Variants in MYH16 observed in about 807,000 individuals in gnomAD.
MYH16 encodes putative uncharacterized protein MYH16.
At chr7:99,269,539 G>A (rs774055589) in intron 18 of MYH16, among the ~76,000 whole-genome samples, 39 of 152,244 alleles carry the variant, frequency 2.6e-4, no homozygotes, top group Non-Finnish European at 5.0e-4. Context: ...GCCTCCCAAA[G>A]TGTTGGGATT....
At chr7:99,303,757 C>G (rs560502179) in intron 39 of MYH16, among the ~76,000 whole-genome samples, 1 of 152,244 alleles carries the variant, frequency 6.6e-6, no homozygotes, top group East Asian at 1.9e-4. Context: ...AGTCATGATC[C>G]CGCCACTGCA....
chr7:99,287,659 C>T, intron 28 of MYH16: 1 of 334,344 alleles, frequency 3.0e-6, no homozygotes, highest in Admixed American at 3.8e-5. Flanking sequence ...TCATAGGTAC[C>T]CAGGGTTAGG....
chr7:99,272,173 C>T (rs568278478), intron 19 of MYH16, among the ~76,000 whole-genome samples: 3 of 152,254 alleles, frequency 2.0e-5, no homozygotes, highest in Admixed American at 6.5e-5. Flanking sequence ...ACAGCTTAAC[C>T]CCTAACAGGA....
At chr7:99,294,500 C>CAAAAA (rs1159682450) in intron 33 of MYH16, among the ~76,000 whole-genome samples, 73 of 25,562 alleles carry the variant, frequency 2.9e-3, no homozygotes, top group Non-Finnish European at 3.6e-3. Flanking sequence ...GACCCTGTCT[C>CAAAAA]AAAAAAAAAA....
intron 18 of MYH16, among the ~76,000 whole-genome samples, chr7:99,269,685 C>A (rs1178929440): frequency 6.6e-6 from 1 of 152,156 alleles, no homozygotes; most frequent in Non-Finnish European, 1.5e-5. Context: ...GACATTCCTC[C>A]ATGACGTGCT....
intron 12 of MYH16, chr7:99,260,558 C>T: frequency 3.6e-6 from 1 of 277,546 alleles, no homozygotes; most frequent in Admixed American, 4.4e-5. Flanking sequence ...ATCATCACAA[C>T]CTACTGCATG....
intron 17 of MYH16, among the ~76,000 whole-genome samples, chr7:99,266,010 T>C (rs546722219): frequency 7.9e-5 from 12 of 152,352 alleles, no homozygotes; most frequent in Admixed American, 2.6e-4. Flanking sequence ...TGAGGAGAGC[T>C]GGTGTATAAA....
At chr7:99,280,630 T>G (rs1792188670) in intron 22 of MYH16, among the ~76,000 whole-genome samples, 1 of 152,172 alleles carries the variant, frequency 6.6e-6, no homozygotes, top group African/African-American at 2.4e-5. Context: ...GCGAGTCTGG[T>G]GGAGCCCAAG....
At chr7:99,240,468 C>CAAAACA (rs374256089) in intron 1 of MYH16, among the ~76,000 whole-genome samples, 10 of 152,202 alleles carry the variant, frequency 6.6e-5, no homozygotes, top group African/African-American at 2.4e-4. Flanking sequence ...CAAAACAAAA[C>CAAAACA]AAAACAAAAA....
chr7:99,308,257 T>C (rs1368866441), downstream of MYH16, among the ~76,000 whole-genome samples: 3 of 127,116 alleles, frequency 2.4e-5, no homozygotes, highest in Non-Finnish European at 4.7e-5. Context: ...ATCACGCCAC[T>C]GCACTCCAGC....
At chr7:99,252,377 G>A (rs1351528344) in intron 6 of MYH16, 1 of 153,350 alleles carries the variant, frequency 6.5e-6, no homozygotes, top group African/African-American at 2.4e-5. Flanking sequence ...GTGAGGGGAG[G>A]AGCAGAGGTG....
chr7:99,270,143 G>T (rs1354331592), intron 18 of MYH16, among the ~76,000 whole-genome samples: 1 of 151,908 alleles, frequency 6.6e-6, no homozygotes, highest in Non-Finnish European at 1.5e-5. Flanking sequence ...GGGATTACAG[G>T]TGTGAGCCAT....
chr7:99,258,312 TAAC>T (rs1791897014), exon 11 of MYH16: 1 of 154,138 alleles, frequency 6.5e-6, no homozygotes, highest in Admixed American at 6.5e-5. Context: ...TGGCCAGGAT[TAAC>T]AAGACCTTGG....
At chr7:99,294,567 A>ATTTT (rs1161923361) in intron 33 of MYH16, among the ~76,000 whole-genome samples, 64 of 143,672 alleles carry the variant, frequency 4.5e-4, no homozygotes, top group African/African-American at 1.5e-3. Context: ...ATATATATAT[A>ATTTT]TTTTTTTTCT....
chr7:99,249,788 C>T (rs1791788426), intron 4 of MYH16, among the ~76,000 whole-genome samples: 1 of 151,786 alleles, frequency 6.6e-6, no homozygotes, highest in Admixed American at 6.6e-5. Context: ...AACTCCTGAC[C>T]TCAGGTGATC....
chr7:99,287,478 G>GAGCCGAGATGTGCCATTGCACTGCAGCCT (rs1399287723), intron 28 of MYH16, among the ~76,000 whole-genome samples: 3 of 148,134 alleles, frequency 2.0e-5, no homozygotes, highest in Non-Finnish European at 4.4e-5. Context: ...AGGTTGCAGT[G>GAGCCGAGATGTGCCATTGCACTGCAGCCT]AGCCGAGATG....
At chr7:99,278,022 G>A (rs893504606) in intron 21 of MYH16, among the ~76,000 whole-genome samples, 41 of 151,610 alleles carry the variant, frequency 2.7e-4, no homozygotes, top group African/African-American at 8.7e-4. Flanking sequence ...GAAGTGGCTC[G>A]ATCACAGCTC....
chr7:99,243,853 C>A (rs964949542), intron 2 of MYH16, among the ~76,000 whole-genome samples: 8 of 151,630 alleles, frequency 5.3e-5, no homozygotes, highest in Non-Finnish European at 8.8e-5. Context: ...ATCCATCCAT[C>A]CAAACATCCA....
At chr7:99,241,869 TTTGTTTAG>T (rs1791671522) in intron 1 of MYH16, among the ~76,000 whole-genome samples, 1 of 151,070 alleles carries the variant, frequency 6.6e-6, no homozygotes, top group Non-Finnish European at 1.5e-5. Flanking sequence ...GTTTTTTTTT[TTTGTTTAG>T]TTTTGTTTTG....
Sources: gnomAD v4.1 joint callset for allele counts (sites outside exome capture counted in the v4.1 genomes callset) on GRCh38, gnomAD v4.1.1 for gene constraint, MANE v1.5 for transcripts, NCBI Gene and HGNC (gene_info 2026-07-23, HGNC 2026-07-21) for gene names.